Variants in PODXL2 observed in about 807,000 individuals in gnomAD.
PODXL2 encodes the protein podocalyxin-like protein 2.
Under a neutral mutation model 53.4 loss-of-function variants are expected in PODXL2, and 17 were observed. The ratio of observed to expected loss-of-function variants is 0.32; its 90% CI spans 0.22 to 0.48. PODXL2 has a LOEUF of 0.48. Ranked by LOEUF, PODXL2 falls within the 20% of genes least tolerant of loss-of-function variation. PODXL2 has a pLI of 0.99. For missense variants in PODXL2, 673 were observed against 760.0 expected (o/e 0.89, Z 1.35); for synonymous variants, 311 against 306.7 (o/e 1.01, Z -0.15).
At chr3:127,643,044 GT>G (rs1291954156) in intron 2 of PODXL2, among the ~76,000 whole-genome samples, 1 of 151,916 alleles carries the variant, frequency 6.6e-6, no homozygotes, top group East Asian at 1.9e-4. Context: ...TTACTTTCCT[GT>G]TTTTTTCTAT....
chr3:127,632,883 A>G (rs1375497448), intron 1 of PODXL2, among the ~76,000 whole-genome samples: 1 of 152,214 alleles, frequency 6.6e-6, no homozygotes, highest in African/African-American at 2.4e-5. Context: ...TCTAATAGAA[A>G]TTTTACCTCT....
At chr3:127,655,368 T>G (rs1040126744) in intron 2 of PODXL2, among the ~76,000 whole-genome samples, 5 of 152,104 alleles carry the variant, frequency 3.3e-5, no homozygotes, top group Non-Finnish European at 7.4e-5. Context: ...ATCACACCAC[T>G]ACACTTCAGC....
intron 1 of PODXL2, among the ~76,000 whole-genome samples, chr3:127,635,669 C>T (rs553156153): frequency 2.6e-4 from 39 of 152,340 alleles, no homozygotes; most frequent in African/African-American, 8.9e-4. Context: ...TTGTTGGGCC[C>T]CGTCACAGAC....
Position 127,635,960 on chromosome 3 carries a change from C to G in PODXL2, c.71-3285C>G, listed in dbSNP as rs185412715. On this transcript the variant is annotated intron_variant, in intron 1 of 7. Coordinates refer to ENST00000342480, the MANE Select transcript of PODXL2 (RefSeq NM_015720.4). ...GCTAGGACACTGAGCTGATCTGGCT[C>G]TCTTCTGCATGGGCTCCTGTTTTCC... 1.5e-3 allele frequency among the ~76,000 whole-genome samples: 225 copies of G among 152,348 alleles called. 1 individual carries two copies. Among genetic ancestry groups the G allele is most frequent in the Admixed American group, 3.1e-3 (48 of 15,304 alleles).
chr3:127,648,838 G>C (rs2074672077), intron 2 of PODXL2, among the ~76,000 whole-genome samples: 1 of 148,552 alleles, frequency 6.7e-6, no homozygotes, highest in Admixed American at 6.8e-5. Context: ...TGTCGACCAG[G>C]CTGGAGTGCA....
At chr3:127,665,126 A>G (rs2074788917) in intron 4 of PODXL2, among the ~76,000 whole-genome samples, 1 of 152,224 alleles carries the variant, frequency 6.6e-6, no homozygotes, top group Non-Finnish European at 1.5e-5. Context: ...CCATGGTTCC[A>G]ATAATGTCCT....
chr3:127,661,102 G>C lies in PODXL2; in HGVS notation c.1074G>C (p.Gln358His). 6.2e-7 allele frequency: 1 copy of C among 1,614,178 alleles called. No homozygotes were observed. The highest frequency in any genetic ancestry group is 8.5e-7 in the Non-Finnish European group (1 of 1,180,018). The change falls in exon 3 of 8, where the codon CAG becomes CAC. Residue 358 changes from glutamine (Q) to histidine (H), a missense_variant. Around this residue, in one of 3 missense-constraint regions of PODXL2, gnomAD observed 588 missense variants for 668.3 expected, o/e 0.88. Coordinates refer to ENST00000342480, the MANE Select transcript of PODXL2 (RefSeq NM_015720.4). ...ATLGQEDLNQ[Q>H]LLEGQAAEAQ... is the part of the protein sequence containing the mutation. Reference sequence around the variant, plus strand: ...TGGGACAAGAAGATCTCAACCAGCAGCTCCTAGAAGGGCAGGCAGCTGAAG... The same window carrying C: ...TGGGACAAGAAGATCTCAACCAGCACCTCCTAGAAGGGCAGGCAGCTGAAG...
rs187207748 is a variant in PODXL2 at position 127,661,234 on chromosome 3, C to T, written c.1131+75C>T. ...CTGGCCATCCCCAGGGCTAGTGTGGCATGGGGGCAGGATCTGCCAGGTTGA... is the reference window on the plus strand; with the variant it reads ...CTGGCCATCCCCAGGGCTAGTGTGGTATGGGGGCAGGATCTGCCAGGTTGA... On this transcript the variant is annotated intron_variant, in intron 3 of 7. Transcript: ENST00000342480. 17 of 1,172,450 alleles carry T rather than the reference C, an allele frequency of 1.4e-5. No individual in the cohort carries two copies. The African/African-American group carries it at 2.4e-4, about 17-fold the overall frequency. The allele number at this position is 1,172,450 out of a possible 1,614,324, so 72.6% of individuals were successfully genotyped here. A position where few individuals can be genotyped will look rare whatever the true frequency, so the allele number is the denominator to read the frequency against.
At chr3:127,669,488 C>T (rs909252962) in intron 6 of PODXL2, among the ~76,000 whole-genome samples, 2 of 152,026 alleles carry the variant, frequency 1.3e-5, no homozygotes, top group Non-Finnish European at 2.9e-5. Context: ...CAGGAGAGGG[C>T]CCAGAGAGGA....
intron 1 of PODXL2, among the ~76,000 whole-genome samples, chr3:127,632,194 T>C (rs2074551412): frequency 6.6e-6 from 1 of 152,192 alleles, no homozygotes; most frequent in Admixed American, 6.5e-5. Context: ...CACAATGACC[T>C]GGAGAGGGCA....
Position 127,671,338 on chromosome 3 carries a change from G to C in PODXL2, c.1426-96G>C, listed in dbSNP as rs28743069. ...GGGAGTGCCAGCACCTTCTAAGCCT[G>C]CTCCCCCATCCCCACCCGAGCCCAA... On this transcript the variant is annotated intron_variant, in intron 6 of 7. Transcript: ENST00000342480. 5.3e-3 allele frequency: 5,873 copies of C among 1,112,266 alleles called. 141 individuals carry two copies. Among genetic ancestry groups the C allele is most frequent in the African/African-American group, 0.052 (3,374 of 64,874 alleles). The allele number at this position is 1,112,266 out of a possible 1,614,324, so 68.9% of individuals were successfully genotyped here.
At chr3:127,635,064 G>A (rs1214430864) in intron 1 of PODXL2, among the ~76,000 whole-genome samples, 3 of 152,110 alleles carry the variant, frequency 2.0e-5, no homozygotes, top group Non-Finnish European at 2.9e-5. Context: ...GGGGCATTTC[G>A]GCCATGTGCC....
At chr3:127,670,616 G>C (rs2074826490) in intron 6 of PODXL2, among the ~76,000 whole-genome samples, 1 of 152,198 alleles carries the variant, frequency 6.6e-6, no homozygotes, top group South Asian at 2.1e-4. Context: ...GAGATACACG[G>C]GTGGTTCACA....
At chr3:127,651,401 A>G (rs1022547245) in intron 2 of PODXL2, among the ~76,000 whole-genome samples, 14 of 152,246 alleles carry the variant, frequency 9.2e-5, no homozygotes, top group African/African-American at 3.1e-4. Flanking sequence ...CAACTAAGAG[A>G]CTATGTACAT....
chr3:127,641,487 C>G (rs1415760917), intron 2 of PODXL2, among the ~76,000 whole-genome samples: 2 of 151,774 alleles, frequency 1.3e-5, no homozygotes, highest in Non-Finnish European at 2.9e-5. Flanking sequence ...AAGATTATAG[C>G]TGTGAACCAC....
At chr3:127,662,386 G>C (rs2074773514) in intron 4 of PODXL2, 75 bp downstream of exon 4, 10 of 1,188,746 alleles carry the variant, frequency 8.4e-6, no homozygotes, top group Admixed American at 1.9e-5. Flanking sequence ...AGGGCAGGCT[G>C]GGGGGACAAG....
chr3:127,662,885 G>C (rs1392012068), intron 4 of PODXL2, among the ~76,000 whole-genome samples: 1 of 152,220 alleles, frequency 6.6e-6, no homozygotes, highest in Non-Finnish European at 1.5e-5. Flanking sequence ...CTTCTGTTCT[G>C]TTCGAAGTAT....
intron 1 of PODXL2, among the ~76,000 whole-genome samples, chr3:127,637,381 T>C (rs116306968): frequency 0.015 from 2,219 of 152,316 alleles, 60 homozygotes; most frequent in South Asian, 0.045. Context: ...AATATTTTTT[T>C]CCCCGGGCCA....
At chr3:127,630,064 A>C (rs373542896) in intron 1 of PODXL2, among the ~76,000 whole-genome samples, 48 of 151,978 alleles carry the variant, frequency 3.2e-4, no homozygotes, top group African/African-American at 1.1e-3. Flanking sequence ...TGCCTGAGAG[A>C]GAAAGAGACG....
Sources: allele counts gnomAD v4.1 joint callset (sites outside exome capture counted in the v4.1 genomes callset), GRCh38; gene constraint gnomAD v4.1.1; regional missense constraint gnomAD v4.1.1; transcripts MANE v1.5; gene names NCBI Gene and HGNC (gene_info 2026-07-23, HGNC 2026-07-21).